PRKN: variants seen among roughly 807,000 people sequenced by gnomAD.
PRKN encodes parkin RBR E3 ubiquitin protein ligase, also known as E3 ubiquitin-protein ligase parkin.
In PRKN, 56 loss-of-function variants were observed where a neutral mutation model predicts 59.5. The observed-to-expected ratio is 0.94, with a 90% CI of 0.76 to 1.18. The LOEUF is 1.18. Among genes scored for constraint, PRKN ranks in the 50% most tolerant of loss-of-function variants. PRKN has a pLI of 0.00. For synonymous variants in PRKN, 250 were observed against 222.1 expected (o/e 1.13, Z -1.12); for missense variants, 657 against 596.4 (o/e 1.10, Z -1.06).
At chr6:162,112,583 C>T (rs1007609046) in intron 4 of PRKN, among the ~76,000 whole-genome samples, 1 of 152,100 alleles carries the variant, frequency 6.6e-6, no homozygotes, top group Admixed American at 6.6e-5. Flanking sequence ...GAATTGTAAG[C>T]ACTTTGAAGA....
At chr6:162,236,929 GAAAGAAAAGA>G (rs754526693) in intron 3 of PRKN, among the ~76,000 whole-genome samples, 14 of 151,768 alleles carry the variant, frequency 9.2e-5, no homozygotes, top group South Asian at 4.2e-4. Flanking sequence ...AGAGAAAGAA[GAAAGAAAAGA>G]AAAGAAAAGA....
At chr6:161,759,989 T>A (rs1021116783) in intron 7 of PRKN, among the ~76,000 whole-genome samples, 1 of 151,912 alleles carries the variant, frequency 6.6e-6, no homozygotes, top group African/African-American at 2.4e-5. Flanking sequence ...ATGCAACCGA[T>A]TGAACCACAA....
chr6:161,473,443 G>A lies in PRKN; in HGVS notation c.1083+75411C>T, dbSNP rs1332614828. On this transcript the variant is annotated intron_variant, in intron 9 of 11. Transcript: ENST00000366898. This position sits in a 1 kb window ranked among gnomAD's most constrained non-coding sequence, Gnocchi z 4.1. ...ATTTTTGGCAACATGTATTAACCTG[G>A]AGGACATTATGCTAAGTGAACTGAG... is the stretch of plus-strand genomic sequence containing the variant. 6.6e-6 allele frequency among the ~76,000 whole-genome samples: 1 copy of A among 151,640 alleles called. No individual in the cohort carries two copies. Among genetic ancestry groups the A allele is most frequent in the Non-Finnish European group, 1.5e-5 (1 of 67,932 alleles).
At chr6:161,867,791 C>T (rs1172684365) in intron 6 of PRKN, among the ~76,000 whole-genome samples, 1 of 94,836 alleles carries the variant, frequency 1.1e-5, no homozygotes, top group Non-Finnish European at 2.2e-5. Flanking sequence ...GACAGAGTCT[C>T]ACTCTGTCAC....
Position 162,719,630 on chromosome 6 carries a change from C to T in PRKN, c.7+8032G>A, listed in dbSNP as rs148812751. Among the ~76,000 whole-genome samples the T allele has an allele frequency of 2.8e-3, 425 of 152,226 alleles. 1 individual carries two copies. Among genetic ancestry groups the T allele is most frequent in the Non-Finnish European group, 4.4e-3 (298 of 68,020 alleles). Reference sequence around the variant, plus strand: ...CAAAGATTTCCATTGCAGACAATTCCCAATCTAGGGAATGTCTCCAGTAGG... The same window carrying T: ...CAAAGATTTCCATTGCAGACAATTCTCAATCTAGGGAATGTCTCCAGTAGG... On this transcript the variant is annotated intron_variant, in intron 1 of 11. Transcript: ENST00000366898.
chr6:162,443,435 C>T lies in PRKN; in HGVS notation c.46G>A (p.Glu16Lys). ...RFNSSHGFPV[E>K]VDSDTSIFQL... is the part of the protein sequence containing the mutation. ...AAGATGCTGGTGTCAGAATCGACCT[C>T]CACTGGGAAACCATGGCTGGAGTTG... Residue 16 changes from glutamate (E) to lysine (K), a missense_variant, in exon 2 of 12, where the codon GAG becomes AAG. By Grantham distance (56) the Glu-to-Lys change is moderately conservative. Transcript: ENST00000366898. 6.2e-7 allele frequency: 1 copy of T among 1,614,082 alleles called. No homozygotes were observed. The highest frequency in any genetic ancestry group is 2.2e-5 in the East Asian group (1 of 44,860).
chr6:161,541,386 A>G (rs1314468395), intron 9 of PRKN, among the ~76,000 whole-genome samples: 1 of 152,244 alleles, frequency 6.6e-6, no homozygotes, highest in East Asian at 1.9e-4. Flanking sequence ...GAAACAATGC[A>G]ATCTTCACAA....
intron 2 of PRKN, among the ~76,000 whole-genome samples, chr6:162,341,902 T>C (rs62430698): frequency 6.9e-6 from 1 of 145,814 alleles, no homozygotes; most frequent in Non-Finnish European, 1.5e-5. Context: ...ACCTAATGTA[T>C]TAAAAAAAAA....
At position 161,885,423 on chromosome 6, in the gene PRKN, G is replaced by A. The variant is rs375740900; in HGVS notation, c.734+87879C>T. Among the ~76,000 whole-genome samples the A allele has an allele frequency of 5.3e-4, 80 of 152,224 alleles. 1 individual carries two copies. The East Asian group carries it at 0.012, about 22-fold the overall frequency. On this transcript the variant is annotated intron_variant, in intron 6 of 11. Transcript: ENST00000366898. ...GCTCAGCCTGTAATCCCAGCACTTT[G>A]GGAGGCCGAGGCGGGCAGATCACGA...
At chr6:161,845,021 C>A (rs1016482695) in intron 6 of PRKN, among the ~76,000 whole-genome samples, 1 of 152,138 alleles carries the variant, frequency 6.6e-6, no homozygotes, top group Non-Finnish European at 1.5e-5. Context: ...TGTAAATGAG[C>A]GGGACAGAGG....
chr6:161,944,728 T>G (rs545717319), intron 6 of PRKN, among the ~76,000 whole-genome samples: 3 of 152,238 alleles, frequency 2.0e-5, no homozygotes, highest in African/African-American at 7.2e-5. Context: ...TTAGGAATTG[T>G]ACTCCTTATA....
chr6:161,813,368 C>A (rs540621050), intron 6 of PRKN, among the ~76,000 whole-genome samples: 1 of 152,140 alleles, frequency 6.6e-6, no homozygotes, highest in East Asian at 1.9e-4. Context: ...TGCGGCGAGG[C>A]GGTGCAGTAT....
chr6:161,995,962 C>CA (rs756014717), intron 5 of PRKN, among the ~76,000 whole-genome samples: 1 of 152,054 alleles, frequency 6.6e-6, no homozygotes, highest in Non-Finnish European at 1.5e-5. Flanking sequence ...GGCAACATAC[C>CA]AAGACCCCAT....
intron 6 of PRKN, among the ~76,000 whole-genome samples, chr6:161,871,582 C>T (rs1195133070): frequency 1.3e-5 from 2 of 152,188 alleles, no homozygotes; most frequent in African/African-American, 4.8e-5. Flanking sequence ...TCTCAGGGAT[C>T]GCTTTGCAGC....
intron 4 of PRKN, among the ~76,000 whole-genome samples, chr6:162,165,979 C>T (rs1235685020): frequency 7.2e-6 from 1 of 139,006 alleles, no homozygotes; most frequent in Non-Finnish European, 1.5e-5. Flanking sequence ...ACCCAGGTGG[C>T]AAGGGTTGCA....
chr6:162,606,100 T>C lies in PRKN; in HGVS notation c.7+121562A>G, dbSNP rs549425343. On this transcript the variant is annotated intron_variant, in intron 1 of 11. Coordinates refer to ENST00000366898, the MANE Select transcript of PRKN (RefSeq NM_004562.3). ...AATGTGCCTACAATGAACAGAATGT[T>C]TGAAGAAGAAGCAAAATAGATGTGA... 8.7e-4 allele frequency among the ~76,000 whole-genome samples: 133 copies of C among 152,272 alleles called. 1 individual carries two copies. Among genetic ancestry groups the C allele is most frequent in the Non-Finnish European group, 1.5e-4 (10 of 68,012 alleles).
At chr6:162,270,547 A>G (rs1373052418) in intron 2 of PRKN, among the ~76,000 whole-genome samples, 1 of 152,182 alleles carries the variant, frequency 6.6e-6, no homozygotes, top group African/African-American at 2.4e-5. Context: ...CAAACTTTCT[A>G]ATGTGTAATA....
At chr6:161,721,289 A>G (rs1787210840) in intron 7 of PRKN, among the ~76,000 whole-genome samples, 2 of 152,222 alleles carry the variant, frequency 1.3e-5, no homozygotes, top group Non-Finnish European at 2.9e-5. Flanking sequence ...TAGAATATGC[A>G]GAATAGAGAG....
intron 1 of PRKN, among the ~76,000 whole-genome samples, chr6:162,566,932 C>T (rs760112463): frequency 6.6e-6 from 1 of 152,046 alleles, no homozygotes; most frequent in Non-Finnish European, 1.5e-5. Context: ...TGGGATTTAT[C>T]CCTGGGATGC....
Sources: gnomAD v4.1 joint callset for allele counts (sites outside exome capture counted in the v4.1 genomes callset) on GRCh38, gnomAD v4.1.1 for gene constraint, Gnocchi (gnomAD v3.1) non-coding constraint, MANE v1.5 for transcripts, NCBI Gene and HGNC (gene_info 2026-07-23, HGNC 2026-07-21) for gene names.